The following KAZN variants were observed in gnomAD, a reference collection of about 807,000 sequenced individuals.
The protein encoded by KAZN is kazrin.
In KAZN, 40 loss-of-function variants were observed where a neutral mutation model predicts 87.4. That is an observed-to-expected ratio of 0.46 (90% CI 0.36 to 0.60). KAZN has a LOEUF of 0.60. KAZN is among the 20% of genes least tolerant of loss of function. The pLI is 0.00. For missense variants in KAZN, 898 were observed against 1,073.9 expected (o/e 0.84, Z 2.29); for synonymous variants, 466 against 458.3 (o/e 1.02, Z -0.22).
intron 2 of KAZN, among the ~76,000 whole-genome samples, chr1:15,007,955 C>G (rs1402863848): frequency 6.6e-6 from 1 of 152,204 alleles, no homozygotes. Context: ...GGCACAGAGG[C>G]GGCCCCTGCG....
intron 2 of KAZN, among the ~76,000 whole-genome samples, chr1:14,302,165 A>G (rs188291416): frequency 2.6e-4 from 39 of 152,342 alleles, no homozygotes; most frequent in Admixed American, 6.5e-4. Context: ...CCGAACTGAC[A>G]GCTTCCTCTG....
At chr1:14,580,774 C>A (rs1675498394) in intron 2 of KAZN, among the ~76,000 whole-genome samples, 1 of 152,190 alleles carries the variant, frequency 6.6e-6, no homozygotes. Context: ...CTTGCAGTCA[C>A]CTTTGACCTC....
At chr1:13,996,188 C>T (rs182797400) in intron 1 of KAZN, among the ~76,000 whole-genome samples, 2 of 152,152 alleles carry the variant, frequency 1.3e-5, no homozygotes, top group African/African-American at 4.8e-5. Context: ...GTGCTTTTTC[C>T]ACAGAACTGT....
intron 2 of KAZN, among the ~76,000 whole-genome samples, chr1:14,485,986 G>T (rs1669333965): frequency 6.6e-6 from 1 of 151,720 alleles, no homozygotes; most frequent in Admixed American, 6.6e-5. Context: ...CTCTGCGGGA[G>T]CAGTCATGGA....
chr1:14,051,984 A>G (rs1351538723), intron 1 of KAZN, among the ~76,000 whole-genome samples: 1 of 152,250 alleles, frequency 6.6e-6, no homozygotes, highest in Non-Finnish European at 1.5e-5. Context: ...TTGCTAGTAT[A>G]GCAGAGGCTA....
chr1:14,473,628 A>C (rs1379113230), intron 2 of KAZN, among the ~76,000 whole-genome samples: 5 of 143,476 alleles, frequency 3.5e-5, no homozygotes, highest in Non-Finnish European at 6.1e-5. Flanking sequence ...ACAGAGAGAG[A>C]CTCTGTCTCA....
intron 1 of KAZN, among the ~76,000 whole-genome samples, chr1:14,155,657 C>G (rs1645576764): frequency 6.6e-6 from 1 of 151,268 alleles, no homozygotes; most frequent in East Asian, 1.9e-4. Flanking sequence ...TCTTCTTCTT[C>G]TTCTTTTTTT....
At chr1:14,654,304 A>G (rs1000549472) in intron 1 of KAZN, among the ~76,000 whole-genome samples, 5 of 151,928 alleles carry the variant, frequency 3.3e-5, no homozygotes, top group Non-Finnish European at 4.4e-5. Flanking sequence ...AAAAAAAAAA[A>G]AAAATCTCCA....
At chr1:14,770,506 G>C (rs550886989) in intron 1 of KAZN, among the ~76,000 whole-genome samples, 23 of 152,294 alleles carry the variant, frequency 1.5e-4, no homozygotes, top group African/African-American at 5.5e-4. Context: ...TATTTGCTAA[G>C]ATAAGGAACA....
chr1:14,440,657 G>C (rs1276938187), intron 2 of KAZN, among the ~76,000 whole-genome samples: 2 of 152,064 alleles, frequency 1.3e-5, no homozygotes, highest in Non-Finnish European at 2.9e-5. Flanking sequence ...AAAACATAAG[G>C]CCCCTTGTTC....
intron 2 of KAZN, among the ~76,000 whole-genome samples, chr1:14,328,287 A>C (rs1656586291): frequency 6.6e-6 from 1 of 152,146 alleles, no homozygotes; most frequent in Non-Finnish European, 1.5e-5. Context: ...ATATTGCTTT[A>C]TTTACTATGC....
chr1:14,188,020 G>T (rs565109643), intron 2 of KAZN, among the ~76,000 whole-genome samples: 107 of 152,248 alleles, frequency 7.0e-4, no homozygotes, highest in African/African-American at 2.5e-3. Context: ...AGGATCTGGG[G>T]TTTCACTGGG....
chr1:14,354,174 A>T (rs559863652), intron 2 of KAZN, among the ~76,000 whole-genome samples: 3 of 152,276 alleles, frequency 2.0e-5, no homozygotes, highest in Admixed American at 6.5e-5. Context: ...ACAACTGGAT[A>T]AAAAAACTGC....
At chr1:13,938,085 A>G (rs1441614347) in intron 1 of KAZN, among the ~76,000 whole-genome samples, 2 of 152,216 alleles carry the variant, frequency 1.3e-5, no homozygotes, top group African/African-American at 2.4e-5. Flanking sequence ...TGATAATTTA[A>G]TAGAAATCGC....
chr1:14,097,975 C>T (rs1211797430), intron 1 of KAZN, among the ~76,000 whole-genome samples: 8 of 152,064 alleles, frequency 5.3e-5, no homozygotes, highest in East Asian at 3.9e-4. Flanking sequence ...AATAAATATG[C>T]CAAGCCATTT....
At chr1:14,487,786 T>C (rs556659733) in intron 2 of KAZN, among the ~76,000 whole-genome samples, 5 of 152,300 alleles carry the variant, frequency 3.3e-5, no homozygotes, top group Admixed American at 2.0e-4. Context: ...GGGGTGAGCC[T>C]GGACAACATT....
At chr1:14,236,311 TCA>T (rs1370533319) in intron 2 of KAZN, among the ~76,000 whole-genome samples, 2 of 152,160 alleles carry the variant, frequency 1.3e-5, no homozygotes, top group Admixed American at 6.5e-5. Flanking sequence ...CTCAGCTGAC[TCA>T]CAGATCCTGA....
At chr1:14,983,194 C>T (rs1278377026) in intron 2 of KAZN, among the ~76,000 whole-genome samples, 1 of 152,148 alleles carries the variant, frequency 6.6e-6, no homozygotes, top group Non-Finnish European at 1.5e-5. Flanking sequence ...GTATTGTCTG[C>T]CTGCATTGTT....
chr1:14,658,927 A>G (rs1638977758), intron 1 of KAZN, among the ~76,000 whole-genome samples: 1 of 152,144 alleles, frequency 6.6e-6, no homozygotes, highest in African/African-American at 2.4e-5. Context: ...CTTTCACGTT[A>G]TTTATGTTTT....
Sources: allele counts gnomAD v4.1 joint callset (sites outside exome capture counted in the v4.1 genomes callset), GRCh38; gene constraint gnomAD v4.1.1; transcripts MANE v1.5; gene names NCBI Gene and HGNC (gene_info 2026-07-23, HGNC 2026-07-21).